The following GARIN3 variants were observed in gnomAD, a reference collection of about 807,000 sequenced individuals.
GARIN3 encodes the protein golgi associated RAB2 interactor family member 3.
chr5:157,166,197 A>C, the GARIN3 span: 4 of 1,585,372 alleles, frequency 2.5e-6, no homozygotes, highest in Non-Finnish European at 3.4e-6. Context: ...CAGCTCCACC[A>C]GCCACAAATA....
the GARIN3 span, among the ~76,000 whole-genome samples, chr5:157,164,146 C>CT: frequency 7.6e-3 from 969 of 127,180 alleles, 8 homozygotes; most frequent in Middle Eastern, 0.016. Context: ...AGTCTTTTGT[C>CT]TTTTTTTTTT....
the GARIN3 span, among the ~76,000 whole-genome samples, chr5:157,163,854 A>C: frequency 3.0e-3 from 457 of 152,306 alleles, 2 homozygotes; most frequent in African/African-American, 0.01. Flanking sequence ...CCAGGAGTTC[A>C]AGACCAGCCT....
chr5:157,165,515 C>T, the GARIN3 span: 3 of 1,552,746 alleles, frequency 1.9e-6, no homozygotes, highest in South Asian at 2.5e-5. Context: ...CTTTGAACTG[C>T]TCCCCCAAAG....
chr5:157,162,769 C>A, the GARIN3 span: 45 of 1,614,206 alleles, frequency 2.8e-5, no homozygotes, highest in Middle Eastern at 3.3e-4. Flanking sequence ...GTGGGTGGAG[C>A]TCTTGCGAGA....
the GARIN3 span, chr5:157,162,291 C>G: frequency 1.7e-6 from 2 of 1,172,532 alleles, no homozygotes; most frequent in Admixed American, 4.7e-5. Flanking sequence ...TGTGAGGTCA[C>G]CACCAGGCTA....
chr5:157,162,177 T>C, the GARIN3 span: 176,259 of 500,844 alleles, frequency 0.35, 34,687 homozygotes, highest in African/African-American at 0.66. Context: ...GAGGCAAAGC[T>C]GAACACTCAC....
the GARIN3 span, chr5:157,163,585 G>A: frequency 6.2e-7 from 1 of 1,614,166 alleles, no homozygotes; most frequent in East Asian, 2.2e-5. Flanking sequence ...AGCAGAAGAG[G>A]TGGCTGCAGA....
the GARIN3 span, chr5:157,165,442 C>T: frequency 2.0e-6 from 3 of 1,464,904 alleles, no homozygotes; most frequent in Non-Finnish European, 2.7e-6. Flanking sequence ...GTCCTGAGCC[C>T]TTGCACATGC....
At chr5:157,163,526 C>T in the GARIN3 span, 1 of 1,614,168 alleles carries the variant, frequency 6.2e-7, no homozygotes, top group African/African-American at 1.3e-5. Context: ...GGAGAAGCCG[C>T]ACTAGCCGTT....
chr5:157,162,738 C>T, the GARIN3 span: 9 of 1,614,104 alleles, frequency 5.6e-6, no homozygotes, highest in East Asian at 2.2e-5. Flanking sequence ...GAGTTGTTCT[C>T]GACTCCTTTT....
At chr5:157,165,830 G>A in the GARIN3 span, 25 of 1,613,916 alleles carry the variant, frequency 1.5e-5, no homozygotes, top group East Asian at 2.2e-4. Flanking sequence ...GAGTCTTGAC[G>A]GGCCTGCGAC....
chr5:157,162,766 G>A, the GARIN3 span: 2 of 1,614,192 alleles, frequency 1.2e-6, no homozygotes, highest in East Asian at 2.2e-5. Context: ...GCTGTGGGTG[G>A]AGCTCTTGCG....
the GARIN3 span, chr5:157,165,580 C>T: frequency 2.5e-6 from 4 of 1,612,000 alleles, no homozygotes; most frequent in Non-Finnish European, 3.4e-6. Context: ...CTTTTGTTGT[C>T]TTCGGGTGGT....
At chr5:157,163,322 C>T in the GARIN3 span, 2 of 1,614,118 alleles carry the variant, frequency 1.2e-6, no homozygotes, top group Non-Finnish European at 1.7e-6. Context: ...ATAGCTGCTC[C>T]CGCCAGCGCT....
At chr5:157,163,493 C>T in the GARIN3 span, 1 of 1,614,200 alleles carries the variant, frequency 6.2e-7, no homozygotes, top group Non-Finnish European at 8.5e-7. Flanking sequence ...CCTCCTTCAG[C>T]AGCCCCTGGA....
At chr5:157,164,779 G>A in the GARIN3 span, among the ~76,000 whole-genome samples, 1 of 151,796 alleles carries the variant, frequency 6.6e-6, no homozygotes, top group East Asian at 1.9e-4. Context: ...TCAAATCGAA[G>A]AAAGACTTCT....
the GARIN3 span, chr5:157,162,956 T>A: frequency 1.9e-6 from 3 of 1,614,112 alleles, no homozygotes. Flanking sequence ...CTGGGATGTC[T>A]GTCCTTCTTT....
the GARIN3 span, chr5:157,166,088 G>A: frequency 1.2e-6 from 2 of 1,614,154 alleles, no homozygotes; most frequent in Middle Eastern, 1.6e-4. Context: ...GTCGTTGCAG[G>A]TCCCCCATGG....
chr5:157,162,481 G>A, the GARIN3 span: 23 of 1,613,952 alleles, frequency 1.4e-5, no homozygotes, highest in Middle Eastern at 1.6e-4. Context: ...GATCATCTCC[G>A]TCTTCTCGGA....
Sources: allele counts gnomAD v4.1 joint callset (sites outside exome capture counted in the v4.1 genomes callset), GRCh38; gene constraint gnomAD v4.1.1; transcripts MANE v1.5; gene names NCBI Gene and HGNC (gene_info 2026-07-23, HGNC 2026-07-21).